CCDC136: variants seen among roughly 807,000 people sequenced by gnomAD.
The protein encoded by CCDC136 is coiled-coil domain-containing protein 136.
A neutral mutation model predicts 141.2 loss-of-function variants in CCDC136; 100 were observed. The observed-to-expected ratio is 0.71, with a 90% CI of 0.60 to 0.84. The LOEUF is 0.84. Among genes scored for constraint, CCDC136 ranks in the 40% least tolerant of loss-of-function variants. CCDC136 has a pLI of 0.00. For synonymous variants in CCDC136, 474 were observed against 531.9 expected (o/e 0.89, Z 1.50); for missense variants, 1,206 against 1,379.4 (o/e 0.87, Z 1.99).
rs1413717842 is a variant in CCDC136 at position 128,809,585 on chromosome 7, C to G, written c.1741C>G (p.Leu581Val). 2 of 1,567,110 alleles carry G rather than the reference C, an allele frequency of 1.3e-6. No homozygotes were observed. Among genetic ancestry groups the G allele is most frequent in the Non-Finnish European group, 1.7e-6 (2 of 1,156,610 alleles). ...QRRMQEEQGQ[L>V]QEELHRLTLP... ...GAGGATGCAGGAGGAGCAGGGCCAG[C>G]TGCAGGAAGAGCTGCACAGGCTCAC... Residue 581 changes from leucine (L) to valine (V), a missense_variant, in exon 11 of 18, where the codon CTG becomes GTG. Physicochemically the swap from Leu to Val is conservative, Grantham distance 32. Coordinates refer to ENST00000297788, the MANE Select transcript of CCDC136 (RefSeq NM_022742.5).
intron 16 of CCDC136, among the ~76,000 whole-genome samples, chr7:128,816,843 T>G (rs1442828545): frequency 2.0e-5 from 3 of 152,228 alleles, no homozygotes; most frequent in Non-Finnish European, 4.4e-5. Flanking sequence ...GGTGGGATTA[T>G]CCAGTCAACT....
chr7:128,812,350 T>C, intron 13 of CCDC136, 38 bp downstream of exon 13: 5 of 1,582,040 alleles, frequency 3.2e-6, no homozygotes, highest in Non-Finnish European at 4.3e-6. Context: ...CAGGGGACGA[T>C]GGACTCTTGT....
chr7:128,818,040 T>G, intron 17 of CCDC136, 176 bp downstream of exon 17: 2 of 593,052 alleles, frequency 3.4e-6, no homozygotes, highest in East Asian at 5.8e-5. Flanking sequence ...GCAAAGCCTC[T>G]GACATCTCTG....
chr7:128,816,635 C>T (rs1045171446), intron 16 of CCDC136, among the ~76,000 whole-genome samples: 7 of 152,150 alleles, frequency 4.6e-5, no homozygotes, highest in Non-Finnish European at 7.4e-5. Flanking sequence ...CCAGAGGTAA[C>T]TTACCAACAA....
chr7:128,792,353 C>A lies in CCDC136; in HGVS notation c.-59C>A. On this transcript the variant is annotated 5_prime_UTR_variant, in exon 1 of 18. Coordinates refer to ENST00000297788, the MANE Select transcript of CCDC136 (RefSeq NM_022742.5). Reference sequence around the variant, plus strand: ...GTGACCACTCTAGGCTCCTATGAGGCTTCCGAGGGCTGTGAGAGGAAGAAG... The same window carrying A: ...GTGACCACTCTAGGCTCCTATGAGGATTCCGAGGGCTGTGAGAGGAAGAAG... 1 of 1,588,722 alleles carries A rather than the reference C, an allele frequency of 6.3e-7. No individual in the cohort carries two copies. Among genetic ancestry groups the A allele is most frequent in the Non-Finnish European group, 8.6e-7 (1 of 1,165,752 alleles).
intron 1 of CCDC136, among the ~76,000 whole-genome samples, chr7:128,793,377 C>T (rs562743473): frequency 6.6e-6 from 1 of 152,168 alleles, no homozygotes; most frequent in Non-Finnish European, 1.5e-5. Context: ...TCATATGGCT[C>T]AGCTAGGGGA....
chr7:128,810,271 G>C lies in CCDC136; in HGVS notation c.1933G>C (p.Glu645Gln), dbSNP rs745817626. Residue 645 changes from glutamate (E) to glutamine (Q), a missense_variant, in exon 12 of 18, where the codon GAG (glutamate) becomes CAG (glutamine). Glu to Gln is a conservative substitution (Grantham distance 29, BLOSUM62 2). Coordinates refer to ENST00000297788, the MANE Select transcript of CCDC136 (RefSeq NM_022742.5). Reference protein sequence around the residue: ...VLKEQLEIHEELRRFKESHFQ... With the variant: ...VLKEQLEIHEQLRRFKESHFQ... ...AAAAGAACAATTAGAGATCCACGAA[G>C]AGCTGCGACGTTTCAAAGAGTCTCA... The C allele has an allele frequency of 6.2e-7, 1 of 1,613,964 alleles. No homozygotes were observed. Among genetic ancestry groups the C allele is most frequent in the Non-Finnish European group, 8.5e-7 (1 of 1,179,858 alleles).
At chr7:128,812,426 G>A in intron 13 of CCDC136, 114 bp downstream of exon 13, 1 of 1,185,066 alleles carries the variant, frequency 8.4e-7, no homozygotes, top group Non-Finnish European at 1.2e-6. Flanking sequence ...GAACTGACCT[G>A]GGGAACTATT....
chr7:128,816,099 C>T (rs866568861), intron 16 of CCDC136, among the ~76,000 whole-genome samples, 168 bp downstream of exon 16: 11 of 152,348 alleles, frequency 7.2e-5, no homozygotes, highest in Middle Eastern at 6.8e-3. Context: ...GAGATGAGAG[C>T]AGTCTGTCTG....
chr7:128,797,979 G>C lies in CCDC136; in HGVS notation c.347-3207G>C, dbSNP rs369579279. Among the ~76,000 whole-genome samples the C allele has an allele frequency of 1.1e-3, 162 of 151,146 alleles. 4 individuals are homozygous for C. The East Asian group carries it at 0.032, about 30-fold the overall frequency. ...GTCGCCCAGGCTGGAGTGCAGTGGC[G>C]TGATCTCGGCTCACTGCAAGCTCCG... On this transcript the variant is annotated intron_variant, in intron 3 of 17. Coordinates refer to ENST00000297788, the MANE Select transcript of CCDC136 (RefSeq NM_022742.5).
In CCDC136 at chr7:128,794,636, C is replaced by T. The variant is rs1289005735; in HGVS notation, c.271+34C>T. On this transcript the variant is annotated intron_variant, in intron 2 of 17. Transcript: ENST00000297788. This position sits in a 1 kb window ranked among gnomAD's most constrained non-coding sequence, Gnocchi z 4.3. ...CTGGGCCAGGGCCCAGTGCCCGGGC[C>T]CAGAGGCTCTGCACTCCCCTGGATC... 2 of 1,530,366 alleles carry T rather than the reference C, an allele frequency of 1.3e-6. No individual in the cohort carries two copies. Among genetic ancestry groups the T allele is most frequent in the African/African-American group, 1.4e-5 (1 of 71,972 alleles). 94.8% of individuals were successfully genotyped at this position (1,530,366 alleles called of 1,614,324 possible). A position where few individuals can be genotyped will look rare whatever the true frequency, so the allele number is the denominator to read the frequency against.
Position 128,794,492 on chromosome 7 carries a change from C to T in CCDC136, c.161C>T (p.Thr54Met), listed in dbSNP as rs1431129993. ...SVNKHRGLSL[T>M]ETELEELRAQ... ...AACAAGCACCGGGGACTGAGCCTCA[C>T]GGAGACAGAGCTGGAGGAGCTGCGG... The change falls in exon 2 of 18, where the codon ACG (threonine) becomes ATG (methionine). Residue 54 changes from threonine to methionine, a missense_variant. Physicochemically the swap from Thr to Met is moderately conservative, Grantham distance 81. Transcript: ENST00000297788. The surrounding 1 kb of genome is among the most constrained non-coding windows in gnomAD (Gnocchi z 4.3). The T allele has an allele frequency of 3.9e-6, 6 of 1,552,186 alleles. No homozygotes were observed. The highest frequency in any genetic ancestry group is 2.0e-5 in the Admixed American group (1 of 51,000).
At chr7:128,816,314 G>T (rs1404705090) in intron 16 of CCDC136, among the ~76,000 whole-genome samples, 1 of 152,212 alleles carries the variant, frequency 6.6e-6, no homozygotes, top group Non-Finnish European at 1.5e-5. Context: ...GGCCATTTCT[G>T]TCGGTCTGGG....
chr7:128,801,446 A>G lies in CCDC136; in HGVS notation c.607A>G (p.Met203Val). Residue 203 changes from methionine to valine, a missense_variant, in exon 4 of 18, where the codon ATG (methionine) becomes GTG (valine). Transcript: ENST00000297788. ...EMEIASLRAE[M>V]EMKSSEPSGS... ...GGAGATCGCCTCCCTCCGTGCAGAA[A>G]TGGAAATGAAGAGCTCTGAACCATC... 6.2e-7 allele frequency: 1 copy of G among 1,613,508 alleles called. No homozygotes were observed. Among genetic ancestry groups the G allele is most frequent in the African/African-American group, 1.3e-5 (1 of 75,030 alleles).
intron 3 of CCDC136, among the ~76,000 whole-genome samples, chr7:128,799,657 G>T (rs1165581025): frequency 6.6e-6 from 1 of 151,842 alleles, no homozygotes; most frequent in East Asian, 1.9e-4. Context: ...TTTTGAGGAA[G>T]TGGAGGTACA....
chr7:128,794,521 C>T lies in CCDC136; in HGVS notation c.190C>T (p.Gln64Ter). 2 of 1,553,454 alleles carry T rather than the reference C, an allele frequency of 1.3e-6. No homozygotes were observed. The highest frequency in any genetic ancestry group is 1.7e-6 in the Non-Finnish European group (2 of 1,147,994). The change falls in exon 2 of 18, where the codon CAG becomes TAG. Residue 64 changes from glutamine to a stop codon, truncating the protein, a stop_gained. Coordinates refer to ENST00000297788, the MANE Select transcript of CCDC136 (RefSeq NM_022742.5). LOFTEE classifies it high-confidence loss of function. This position sits in a 1 kb window ranked among gnomAD's most constrained non-coding sequence, Gnocchi z 4.3. ...TETELEELRAQVLQLVAELEE... is the reference protein window; with the variant it reads ...TETELEELRA ...GACAGAGCTGGAGGAGCTGCGGGCT[C>T]AGGTGCTGCAGCTGGTGGCAGAACT... is the stretch of plus-strand genomic sequence containing the variant.
chr7:128,808,665 C>A, intron 10 of CCDC136: 1 of 985,362 alleles, frequency 1.0e-6, no homozygotes, highest in Non-Finnish European at 1.2e-6. Context: ...AGACGGAGGA[C>A]TGGGAAGGTT....
chr7:128,792,700 G>T lies in CCDC136; in HGVS notation c.16+273G>T, dbSNP rs568319039. Among the ~76,000 whole-genome samples, 3 of 152,320 alleles carry T rather than the reference G, an allele frequency of 2.0e-5. No individual in the cohort carries two copies. The South Asian group carries it at 6.2e-4, about 32-fold the overall frequency. ...CCAGACAGAGAAAGAGGCCTTGTTG[G>T]ACAGAGCTTTGAAGCAGCCTTTCAG... is the stretch of plus-strand genomic sequence containing the variant. On this transcript the variant is annotated intron_variant, in intron 1 of 17. Transcript: ENST00000297788.
rs768403489 is a variant in CCDC136, at chr7:128,809,594, G to A, written c.1750G>A (p.Glu584Lys). 2 of 1,565,118 alleles carry A rather than the reference G, an allele frequency of 1.3e-6. No individual in the cohort carries two copies. The highest frequency in any genetic ancestry group is 3.8e-5 in the Admixed American group (2 of 52,978). ...GGAGGAGCAGGGCCAGCTGCAGGAA[G>A]AGCTGCACAGGCTCACACTGCCACT... ...MQEEQGQLQE[E>K]LHRLTLPLPK... Residue 584 changes from glutamate to lysine, a missense_variant, in exon 11 of 18, where the codon GAG becomes AAG. Transcript: ENST00000297788.
Sources: gnomAD v4.1 joint callset for allele counts (sites outside exome capture counted in the v4.1 genomes callset) on GRCh38, gnomAD v4.1.1 for gene constraint, Gnocchi (gnomAD v3.1) non-coding constraint, MANE v1.5 for transcripts, NCBI Gene and HGNC (gene_info 2026-07-23, HGNC 2026-07-21) for gene names.